ZNF600: variants seen among roughly 807,000 people sequenced by gnomAD.
ZNF600 encodes zinc finger protein 600, also known as zinc finger protein KR-ZNF1.
ZNF600 carries 4 observed loss-of-function variants against 7.3 expected under a neutral mutation model. The ratio of observed to expected loss-of-function variants is 0.55; its 90% CI spans 0.27 to 1.25. ZNF600 has a LOEUF of 1.25. Ranked by LOEUF, ZNF600 falls within the 50% of genes most tolerant of loss-of-function variation. The pLI is 0.12. For missense variants in ZNF600, 911 were observed against 922.1 expected (o/e 0.99, Z 0.16); for synonymous variants, 290 against 308.9 (o/e 0.94, Z 0.64).
chr19:52,785,680 C>A (rs190104494), intron 1 of ZNF600, among the ~76,000 whole-genome samples: 7 of 152,186 alleles, frequency 4.6e-5, no homozygotes, highest in Admixed American at 2.6e-4. Flanking sequence ...CTGTTATACC[C>A]CTCTGTCCCC....
At chr19:52,791,445 G>A (rs2062790618), upstream of ZNF600, among the ~76,000 whole-genome samples, 2 of 152,212 alleles carry the variant, frequency 1.3e-5, no homozygotes, top group South Asian at 4.1e-4. Flanking sequence ...ACAATACCTG[G>A]CATTTCAGAA....
the ZNF600 span, among the ~76,000 whole-genome samples, chr19:52,807,513 G>A: frequency 5.9e-5 from 9 of 152,254 alleles, no homozygotes; most frequent in Non-Finnish European, 7.4e-5. Flanking sequence ...TTGCTCTGTC[G>A]TCCGGGCTGG....
the ZNF600 span, among the ~76,000 whole-genome samples, chr19:52,807,669 T>C: frequency 1.3e-5 from 2 of 152,184 alleles, no homozygotes; most frequent in African/African-American, 4.8e-5. Flanking sequence ...CAGACAGGGT[T>C]TCTGCATGTT....
chr19:52,828,148 T>C, the ZNF600 span, among the ~76,000 whole-genome samples: 1 of 151,744 alleles, frequency 6.6e-6, no homozygotes, highest in Non-Finnish European at 1.5e-5. Context: ...GCCTCCTGAG[T>C]TCCAGCAATT....
At chr19:52,790,771 C>T (rs1005119316), upstream of ZNF600, among the ~76,000 whole-genome samples, 1 of 148,584 alleles carries the variant, frequency 6.7e-6, no homozygotes, top group East Asian at 2.0e-4. Context: ...ACTGTAACCT[C>T]GACTTCCCGG....
the ZNF600 span, chr19:52,810,027 G>C: frequency 1.3e-6 from 1 of 744,046 alleles, no homozygotes. Flanking sequence ...GGAGCCCGAA[G>C]AGGAGCCGCT....
At chr19:52,795,091 A>G in the ZNF600 span, among the ~76,000 whole-genome samples, 1 of 152,328 alleles carries the variant, frequency 6.6e-6, no homozygotes, top group Non-Finnish European at 1.5e-5. Context: ...TCATGAACAT[A>G]TGGGCTCTGC....
chr19:52,792,251 G>T, the ZNF600 span, among the ~76,000 whole-genome samples: 1 of 152,188 alleles, frequency 6.6e-6, no homozygotes, highest in African/African-American at 2.4e-5. Flanking sequence ...CCAGAGGTAG[G>T]GTGAGCGTTG....
chr19:52,810,424 AT>A, the ZNF600 span: 6 of 1,603,538 alleles, frequency 3.7e-6, no homozygotes, highest in Middle Eastern at 3.5e-4. Context: ...TTTAGTGGCC[AT>A]CCCAAAGGGT....
chr19:52,821,573 G>A, the ZNF600 span: 1 of 152,160 alleles, frequency 6.6e-6, no homozygotes, highest in Non-Finnish European at 1.5e-5. Flanking sequence ...ACACCACACA[G>A]AGCAAAACTC....
chr19:52,815,074 T>C, the ZNF600 span, among the ~76,000 whole-genome samples: 3 of 108,978 alleles, frequency 2.8e-5, no homozygotes, highest in Non-Finnish European at 3.9e-5. Flanking sequence ...TGTATAGATA[T>C]GTGTGTATGT....
At chr19:52,816,220 TCAA>T in the ZNF600 span, among the ~76,000 whole-genome samples, 77,436 of 145,854 alleles carry the variant, frequency 0.53, 25,454 homozygotes, top group Non-Finnish European at 0.68. Flanking sequence ...CCATTTATAT[TCAA>T]TAATAATTGT....
intron 2 of ZNF600, among the ~76,000 whole-genome samples, chr19:52,776,805 G>A (rs373326210): frequency 4.0e-5 from 6 of 151,824 alleles, no homozygotes; most frequent in Non-Finnish European, 7.4e-5. Context: ...TAAACCATGG[G>A]CTTATCCACC....
the ZNF600 span, among the ~76,000 whole-genome samples, chr19:52,826,010 G>A: frequency 6.6e-6 from 1 of 152,038 alleles, no homozygotes; most frequent in African/African-American, 2.4e-5. Context: ...ATCTCATAAT[G>A]GTGTCTGAAT....
the ZNF600 span, among the ~76,000 whole-genome samples, chr19:52,830,336 TAA>T: frequency 1.3e-5 from 2 of 152,062 alleles, no homozygotes; most frequent in East Asian, 3.9e-4. Flanking sequence ...AGTTCTCAAA[TAA>T]GTACAGCAGG....
At chr19:52,812,258 G>A in the ZNF600 span, among the ~76,000 whole-genome samples, 6 of 139,294 alleles carry the variant, frequency 4.3e-5, no homozygotes, top group African/African-American at 6.3e-5. Flanking sequence ...ACCCCGTCTG[G>A]GAGGTGTGCC....
At chr19:52,810,729 G>C in the ZNF600 span, 2 of 639,128 alleles carry the variant, frequency 3.1e-6, no homozygotes, top group Admixed American at 2.4e-5. Flanking sequence ...TATTAGGAGA[G>C]AGAGGAAAAA....
the ZNF600 span, chr19:52,810,235 A>G: frequency 1.4e-5 from 16 of 1,179,440 alleles, no homozygotes; most frequent in African/African-American, 1.9e-4. Flanking sequence ...AAGCAGAGGA[A>G]TATGAGTCTA....
the ZNF600 span, among the ~76,000 whole-genome samples, chr19:52,830,437 G>A: frequency 6.6e-6 from 1 of 152,094 alleles, no homozygotes; most frequent in African/African-American, 2.4e-5. Context: ...CCCACGACAT[G>A]TTTCTAAGCA....
Sources: allele counts gnomAD v4.1 joint callset (sites outside exome capture counted in the v4.1 genomes callset), GRCh38; gene constraint gnomAD v4.1.1; transcripts MANE v1.5; gene names NCBI Gene and HGNC (gene_info 2026-07-23, HGNC 2026-07-21).